DCUN1D5: variants seen among roughly 807,000 people sequenced by gnomAD.
DCUN1D5 encodes defective in cullin neddylation 1 domain containing 5.
Under a neutral mutation model 38.3 loss-of-function variants are expected in DCUN1D5, and 10 were observed. The ratio of observed to expected loss-of-function variants is 0.26; its 90% CI spans 0.16 to 0.44. The LOEUF is 0.44. Ranked by LOEUF, DCUN1D5 falls within the 20% of genes least tolerant of loss-of-function variation. The probability of loss-of-function intolerance (pLI) is 1.00; values close to 1 mark genes in which losing one functional copy is unlikely to be tolerated. For synonymous variants in DCUN1D5, 93 were observed against 90.9 expected, an observed-to-expected ratio of 1.02 and a Z score of -0.13; for missense variants, 148 against 275.3, an observed-to-expected ratio of 0.54 and a Z score of 3.27.
In DCUN1D5 at chr11:103,091,643, T is replaced by C. The variant is rs550946304; in HGVS notation, c.86+144A>G. On this transcript the variant is annotated intron_variant, in intron 1 of 7. Transcript: ENST00000260247. This position sits in a 1 kb window ranked among gnomAD's most constrained non-coding sequence, Gnocchi z 4.3. ...TCGGGTCGGGCGCGGAGACTCGCGG[T>C]GTTCGGCACCTACAGCCTAGCTCGA... 277 of 1,490,246 alleles carry C rather than the reference T, an allele frequency of 1.9e-4. 3 individuals carry two copies. The African/African-American group carries it at 3.1e-3, about 17-fold the overall frequency. 92.3% of individuals were successfully genotyped at this position (1,490,246 alleles called of 1,614,324 possible). A position where few individuals can be genotyped will look rare whatever the true frequency, so the allele number is the denominator to read the frequency against.
Position 103,053,583 on chromosome 11 carries a change from T to C in DCUN1D5, c.*8776A>G, listed in dbSNP as rs78082860. 6.6e-6 allele frequency: 1 copy of C among 152,016 alleles called. No individual in the cohort carries two copies. Among genetic ancestry groups the C allele is most frequent in the African/African-American group, 2.4e-5 (1 of 41,412 alleles). 9.4% of individuals were successfully genotyped at this position (152,016 alleles called of 1,614,324 possible). A position where few individuals can be genotyped will look rare whatever the true frequency, so the allele number is the denominator to read the frequency against. ...TTCATTTAATTATATGAATATATCATACTATCACATGTACCCCCCAAATAA... is the reference window on the plus strand; with the variant it reads ...TTCATTTAATTATATGAATATATCACACTATCACATGTACCCCCCAAATAA... On this transcript the variant is annotated 3_prime_UTR_variant, in exon 8 of 8. Coordinates refer to ENST00000260247, the MANE Select transcript of DCUN1D5 (RefSeq NM_032299.4). This position sits in a 1 kb window ranked among gnomAD's most constrained non-coding sequence, Gnocchi z 4.8.
chr11:103,090,486 C>T (rs1862830327), intron 1 of DCUN1D5, among the ~76,000 whole-genome samples: 1 of 152,206 alleles, frequency 6.6e-6, no homozygotes, highest in African/African-American at 2.4e-5. Context: ...GCAGATCTCT[C>T]TTTAAGGAGA....
In DCUN1D5 at chr11:103,091,917, G is replaced by T. The variant is rs1024389181; in HGVS notation, c.-45C>A. 3 of 1,568,162 alleles carry T rather than the reference G, an allele frequency of 1.9e-6. No individual in the cohort carries two copies. The highest frequency in any genetic ancestry group is 2.2e-5 in the East Asian group (1 of 44,582). On this transcript the variant is annotated 5_prime_UTR_variant, in exon 1 of 8. Transcript: ENST00000260247. This position sits in a 1 kb window ranked among gnomAD's most constrained non-coding sequence, Gnocchi z 4.3. Reference sequence around the variant, plus strand: ...GGTGGGCAGGGGAGCCGGGGAAGGGGGTCCCTGTCCGCTGGAAGCCCCTCA... The same window carrying T: ...GGTGGGCAGGGGAGCCGGGGAAGGGTGTCCCTGTCCGCTGGAAGCCCCTCA...
At chr11:103,074,966 T>C (rs567358111) in intron 4 of DCUN1D5, among the ~76,000 whole-genome samples, 2 of 152,214 alleles carry the variant, frequency 1.3e-5, no homozygotes, top group East Asian at 3.9e-4. Context: ...ATGGAAGAAC[T>C]GCTTCCATTA....
rs1248820115 is a variant in DCUN1D5 at position 103,092,000 on chromosome 11, G to C, written c.-128C>G. 5.9e-6 allele frequency: 5 copies of C among 849,392 alleles called. No individual in the cohort carries two copies. The African/African-American group carries it at 8.6e-5, about 15-fold the overall frequency. 52.6% of individuals were successfully genotyped at this position (849,392 alleles called of 1,614,324 possible). A position where few individuals can be genotyped will look rare whatever the true frequency, so the allele number is the denominator to read the frequency against. On this transcript the variant is annotated 5_prime_UTR_variant, in exon 1 of 8. Transcript: ENST00000260247. This position sits in a 1 kb window ranked among gnomAD's most constrained non-coding sequence, Gnocchi z 4.3. ...AGCGGAGGAGCAGAGTCGCCAGCCC[G>C]CACCGGCGCGGCCCAGCCCGGCCGC... is the stretch of plus-strand genomic sequence containing the variant.
chr11:103,082,540 A>T (rs536491967), intron 4 of DCUN1D5, among the ~76,000 whole-genome samples: 2 of 152,168 alleles, frequency 1.3e-5, no homozygotes, highest in African/African-American at 4.8e-5. Context: ...GACTGTACTA[A>T]GGTTCTTTCT....
intron 4 of DCUN1D5, among the ~76,000 whole-genome samples, chr11:103,067,518 T>C: frequency 6.6e-6 from 1 of 152,176 alleles, no homozygotes; most frequent in East Asian, 1.9e-4. Flanking sequence ...CTCCCTTTAA[T>C]CAAATTAATT....
rs1862857236 is a variant in DCUN1D5 at position 103,091,277 on chromosome 11, A to C, written c.86+510T>G. ...GACCTTCCGGGTTAGGCCACTCCAA[A>C]TACTAAATATGGAGGCCAATTATAG... On this transcript the variant is annotated intron_variant, in intron 1 of 7. Coordinates refer to ENST00000260247, the MANE Select transcript of DCUN1D5 (RefSeq NM_032299.4). This position sits in a 1 kb window ranked among gnomAD's most constrained non-coding sequence, Gnocchi z 4.3. 6.6e-6 allele frequency among the ~76,000 whole-genome samples: 1 copy of C among 152,100 alleles called. No individual in the cohort carries two copies. The highest frequency in any genetic ancestry group is 1.5e-5 in the Non-Finnish European group (1 of 68,014).
chr11:103,089,905 G>A (rs1212335517), intron 1 of DCUN1D5, among the ~76,000 whole-genome samples: 1 of 151,802 alleles, frequency 6.6e-6, no homozygotes, highest in African/African-American at 2.4e-5. Flanking sequence ...TTGGGACAAG[G>A]CTATTTAATC....
chr11:103,052,410 C>T lies in DCUN1D5; in HGVS notation c.*9949G>A, dbSNP rs1861765561. 1 of 152,098 alleles carries T rather than the reference C, an allele frequency of 6.6e-6. No homozygotes were observed. The highest frequency in any genetic ancestry group is 2.4e-5 in the African/African-American group (1 of 41,420). 9.4% of individuals were successfully genotyped at this position (152,098 alleles called of 1,614,324 possible). A position where few individuals can be genotyped will look rare whatever the true frequency, so the allele number is the denominator to read the frequency against. On this transcript the variant is annotated 3_prime_UTR_variant, in exon 8 of 8. Coordinates refer to ENST00000260247, the MANE Select transcript of DCUN1D5 (RefSeq NM_032299.4). ...AAAGAGAGACGTGAATTTTTTCATT[C>T]ATTAAATACCTATTATGTGGTGGAA... is the stretch of plus-strand genomic sequence containing the variant.
intron 2 of DCUN1D5, among the ~76,000 whole-genome samples, chr11:103,088,958 T>C (rs1175794839): frequency 7.3e-6 from 1 of 137,236 alleles, no homozygotes; most frequent in Non-Finnish European, 1.5e-5. Flanking sequence ...AGCCAATAGA[T>C]GTAAATAAAT....
Position 103,086,088 on chromosome 11 carries a change from A to T in DCUN1D5, c.179-2762T>A, listed in dbSNP as rs1364987044. On this transcript the variant is annotated intron_variant, in intron 2 of 7. Coordinates refer to ENST00000260247, the MANE Select transcript of DCUN1D5 (RefSeq NM_032299.4). This position sits in a 1 kb window ranked among gnomAD's most constrained non-coding sequence, Gnocchi z 4.1. ...TTTTCAAAACTAAAAGAAAAACACC[A>T]TCAATTTCCTGATTTCTTTATAACC... Among the ~76,000 whole-genome samples, 1 of 152,176 alleles carries T rather than the reference A, an allele frequency of 6.6e-6. No individual in the cohort carries two copies. The highest frequency in any genetic ancestry group is 1.5e-5 in the Non-Finnish European group (1 of 68,024).
rs1231770358 is a variant in DCUN1D5 at position 103,063,515 on chromosome 11, C to T, written c.658+760G>A. Among the ~76,000 whole-genome samples, 1 of 152,012 alleles carries T rather than the reference C, an allele frequency of 6.6e-6. No individual in the cohort carries two copies. Among genetic ancestry groups the T allele is most frequent in the East Asian group, 1.9e-4 (1 of 5,190 alleles). ...GGAAGAAATAAAGTTATCCCTTCTTCTGTTATTTTATTTTTTCAGTGTCAC... is the reference window on the plus strand; with the variant it reads ...GGAAGAAATAAAGTTATCCCTTCTTTTGTTATTTTATTTTTTCAGTGTCAC... On this transcript the variant is annotated intron_variant, in intron 7 of 7. Coordinates refer to ENST00000260247, the MANE Select transcript of DCUN1D5 (RefSeq NM_032299.4). This position sits in a 1 kb window ranked among gnomAD's most constrained non-coding sequence, Gnocchi z 4.6.
rs745964364 is a variant in DCUN1D5 at position 103,087,510 on chromosome 11, C to T, written c.178+1717G>A. Among the ~76,000 whole-genome samples, 7 of 152,104 alleles carry T rather than the reference C, an allele frequency of 4.6e-5. No individual in the cohort carries two copies. The highest frequency in any genetic ancestry group is 8.8e-5 in the Non-Finnish European group (6 of 68,028). On this transcript the variant is annotated intron_variant, in intron 2 of 7. Coordinates refer to ENST00000260247, the MANE Select transcript of DCUN1D5 (RefSeq NM_032299.4). The surrounding 1 kb of genome is among the most constrained non-coding windows in gnomAD (Gnocchi z 4.1). ...CAAAAAATTTAAAAAATTAGCCAGG[C>T]GTGGTGGCACATGCCTATATTCCCA...
rs1348888790 is a variant in DCUN1D5, at chr11:103,053,273, T to A, written c.*9086A>T. 1 of 152,156 alleles carries A rather than the reference T, an allele frequency of 6.6e-6. No homozygotes were observed. The highest frequency in any genetic ancestry group is 6.6e-5 in the Admixed American group (1 of 15,264). The allele number at this position is 152,156 out of a possible 1,614,324, so 9.4% of individuals were successfully genotyped here. A position where few individuals can be genotyped will look rare whatever the true frequency, so the allele number is the denominator to read the frequency against. On this transcript the variant is annotated 3_prime_UTR_variant, in exon 8 of 8. Transcript: ENST00000260247. The surrounding 1 kb of genome is among the most constrained non-coding windows in gnomAD (Gnocchi z 4.8). The stretch of plus-strand genomic sequence containing the variant: ...ACTGTAAATTGATCATTTAGTCATA[T>A]TTAGCATCCATTTAATGAACCATTT...
rs1861928878 is a variant in DCUN1D5 at position 103,058,370 on chromosome 11, G to A, written c.*3989C>T. ...GACACAGCAAATGTATGATCGATCA[G>A]TTTTAAGACTGTTTTTAAAAACATA... On this transcript the variant is annotated 3_prime_UTR_variant, in exon 8 of 8. Coordinates refer to ENST00000260247, the MANE Select transcript of DCUN1D5 (RefSeq NM_032299.4). 6.6e-6 allele frequency among the ~76,000 whole-genome samples: 1 copy of A among 152,148 alleles called. No individual in the cohort carries two copies. The highest frequency in any genetic ancestry group is 2.4e-5 in the African/African-American group (1 of 41,428).
In DCUN1D5 at chr11:103,058,484, T is replaced by C. The variant is rs1042286681; in HGVS notation, c.*3875A>G. Among the ~76,000 whole-genome samples, 1 of 152,174 alleles carries C rather than the reference T, an allele frequency of 6.6e-6. No individual in the cohort carries two copies. Among genetic ancestry groups the C allele is most frequent in the African/African-American group, 2.4e-5 (1 of 41,454 alleles). On this transcript the variant is annotated 3_prime_UTR_variant, in exon 8 of 8. Transcript: ENST00000260247. The stretch of plus-strand genomic sequence containing the variant: ...TCTCTACAATTAAATTAATGACAAC[T>C]TATCCAAGGTTTGGGGCAGAAATTC...
chr11:103,059,524 C>A lies in DCUN1D5; in HGVS notation c.*2835G>T, dbSNP rs923631858. ...TGAGTAAAAACCAATAAAATCTATA[C>A]ATTATACACAAAAATGCTACTACTG... On this transcript the variant is annotated 3_prime_UTR_variant, in exon 8 of 8. Transcript: ENST00000260247. Among the ~76,000 whole-genome samples, 1 of 152,120 alleles carries A rather than the reference C, an allele frequency of 6.6e-6. No individual in the cohort carries two copies. The highest frequency in any genetic ancestry group is 1.5e-5 in the Non-Finnish European group (1 of 68,012).
chr11:103,067,378 C>T (rs571812408), intron 4 of DCUN1D5, among the ~76,000 whole-genome samples: 1 of 152,296 alleles, frequency 6.6e-6, no homozygotes, highest in South Asian at 2.1e-4. Flanking sequence ...AATTATATCA[C>T]TTACCATTCC....
Sources: gnomAD v4.1 joint callset for allele counts (sites outside exome capture counted in the v4.1 genomes callset) on GRCh38, gnomAD v4.1.1 for gene constraint, Gnocchi (gnomAD v3.1) non-coding constraint, MANE v1.5 for transcripts, NCBI Gene and HGNC (gene_info 2026-07-23, HGNC 2026-07-21) for gene names.